Variants in TCERG1L observed in about 807,000 individuals in gnomAD.
TCERG1L encodes the protein transcription elongation regulator 1 like, also known as transcription elongation regulator 1-like protein.
A neutral mutation model predicts 56.3 loss-of-function variants in TCERG1L; 37 were observed. The ratio of observed to expected loss-of-function variants is 0.66; its 90% confidence interval spans 0.51 to 0.87. The LOEUF is 0.87. Among genes scored for constraint, TCERG1L ranks in the 40% least tolerant of loss-of-function variants. TCERG1L has a pLI of 0.00. For synonymous variants in TCERG1L, 324 were observed against 326.3 expected (o/e 0.99, Z 0.08); for missense variants, 799 against 774.2 (o/e 1.03, Z -0.38).
chr10:131,306,786 A>G (rs1323432421), intron 3 of TCERG1L, among the ~76,000 whole-genome samples: 1 of 152,234 alleles, frequency 6.6e-6, no homozygotes, highest in Admixed American at 6.5e-5. Context: ...AATGATGTCC[A>G]TAAGATGGAA....
chr10:131,299,582 C>T (rs943624499), intron 3 of TCERG1L, among the ~76,000 whole-genome samples: 4 of 144,038 alleles, frequency 2.8e-5, no homozygotes, highest in African/African-American at 1.0e-4. Context: ...TTAAGTACAA[C>T]GTTAGCTGTA....
intron 8 of TCERG1L, among the ~76,000 whole-genome samples, chr10:131,119,602 ACT>A (rs1281822689): frequency 1.3e-5 from 2 of 152,206 alleles, no homozygotes; most frequent in African/African-American, 4.8e-5. Context: ...TCAGCACAAT[ACT>A]CTGTGCAGGG....
intron 4 of TCERG1L, among the ~76,000 whole-genome samples, chr10:131,200,902 G>C (rs532308356): frequency 2.0e-5 from 3 of 152,254 alleles, no homozygotes; most frequent in Admixed American, 6.5e-5. Flanking sequence ...CAAAGGGGAT[G>C]GAGGCCCTTA....
At chr10:131,102,096 T>C (rs1390930513) in intron 10 of TCERG1L, among the ~76,000 whole-genome samples, 1 of 152,176 alleles carries the variant, frequency 6.6e-6, no homozygotes, top group Non-Finnish European at 1.5e-5. Context: ...TAGGAAAAAA[T>C]TATATAACAC....
rs892290120 is a variant in TCERG1L, at chr10:131,118,947, T to G, written c.1260-2013A>C. Among the ~76,000 whole-genome samples, 17 of 152,170 alleles carry G rather than the reference T, an allele frequency of 1.1e-4. No individual in the cohort carries two copies. Among genetic ancestry groups the G allele is most frequent in the African/African-American group, 3.4e-4 (14 of 41,444 alleles). ...ACCTGGGAGTGGAGAGCCGGGATGC[T>G]GTGAAATGTCCTGCAATGCACAGGA... On this transcript the variant is annotated intron_variant, in intron 8 of 11. Transcript: ENST00000368642. This position sits in a 1 kb window ranked among gnomAD's most constrained non-coding sequence, Gnocchi z 4.2.
chr10:131,296,234 T>C (rs903966814), intron 3 of TCERG1L, among the ~76,000 whole-genome samples: 10 of 152,230 alleles, frequency 6.6e-5, no homozygotes, highest in African/African-American at 2.4e-4. Flanking sequence ...CTTCAGAATT[T>C]AGTTTTTGGT....
chr10:131,163,263 C>T (rs1845996692), intron 5 of TCERG1L, 53 bp from the exon 6 acceptor site: 2 of 1,353,218 alleles, frequency 1.5e-6, no homozygotes, highest in Non-Finnish European at 2.0e-6. Flanking sequence ...CACTCATCTT[C>T]AATTACAAGC....
chr10:131,141,566 G>A (rs1453643229), intron 7 of TCERG1L, among the ~76,000 whole-genome samples: 1 of 152,006 alleles, frequency 6.6e-6, no homozygotes, highest in Non-Finnish European at 1.5e-5. Context: ...ATAAAGGATT[G>A]GTTCAGAAGA....
intron 4 of TCERG1L, among the ~76,000 whole-genome samples, chr10:131,196,431 C>T (rs10829943): frequency 0.38 from 57,294 of 152,004 alleles, 10,920 homozygotes; most frequent in East Asian, 0.49. Flanking sequence ...CAGGATACCC[C>T]AGGCCAAGGG....
At chr10:131,170,134 G>A (rs1846074126) in intron 4 of TCERG1L, among the ~76,000 whole-genome samples, 1 of 152,126 alleles carries the variant, frequency 6.6e-6, no homozygotes, top group Admixed American at 6.5e-5. Flanking sequence ...CTCTTTCACA[G>A]TCATTGATTT....
Position 131,193,172 on chromosome 10 carries a change from C to T in TCERG1L, c.857-26287G>A, listed in dbSNP as rs542687549. ...TATGTCTCCTTTTGAAAAATATCTA[C>T]GCATGGCATTTACACACTTTTTAAT... On this transcript the variant is annotated intron_variant, in intron 4 of 11. Transcript: ENST00000368642. Among the ~76,000 whole-genome samples the T allele has an allele frequency of 3.2e-4, 49 of 152,224 alleles. No homozygotes were observed. The East Asian group carries it at 7.9e-3, about 25-fold the overall frequency.
chr10:131,269,961 A>C (rs1589767686), intron 3 of TCERG1L, among the ~76,000 whole-genome samples: 1 of 152,228 alleles, frequency 6.6e-6, no homozygotes, highest in East Asian at 1.9e-4. Context: ...GGAGCACGGC[A>C]ACCCCACGTG....
intron 4 of TCERG1L, among the ~76,000 whole-genome samples, chr10:131,194,364 G>A (rs1010932692): frequency 7.2e-5 from 11 of 152,202 alleles, no homozygotes; most frequent in Admixed American, 5.2e-4. Flanking sequence ...AAAGGCACCC[G>A]AATTCCTCTT....
intron 3 of TCERG1L, among the ~76,000 whole-genome samples, chr10:131,282,202 C>G (rs964887983): frequency 6.6e-6 from 1 of 151,584 alleles, no homozygotes; most frequent in Non-Finnish European, 1.5e-5. Flanking sequence ...AGGAATTTAC[C>G]CAAATCTTCA....
At chr10:131,245,420 T>TAA (rs397816461) in intron 4 of TCERG1L, among the ~76,000 whole-genome samples, 24,396 of 151,032 alleles carry the variant, frequency 0.16, 2,593 homozygotes, top group South Asian at 0.42. Flanking sequence ...ATTTTTTTTT[T>TAA]AAAAAAACTG....
At chr10:131,152,411 T>A (rs1845874942) in intron 6 of TCERG1L, among the ~76,000 whole-genome samples, 1 of 152,180 alleles carries the variant, frequency 6.6e-6, no homozygotes, top group Non-Finnish European at 1.5e-5. Context: ...AAGTTCCTCA[T>A]CTCCATCTGA....
chr10:131,247,666 G>A (rs1449413719), intron 4 of TCERG1L, among the ~76,000 whole-genome samples: 1 of 152,126 alleles, frequency 6.6e-6, no homozygotes, highest in Non-Finnish European at 1.5e-5. Context: ...AGAGATTTTA[G>A]AGGAGATGAA....
intron 8 of TCERG1L, among the ~76,000 whole-genome samples, chr10:131,122,806 G>T (rs1845527048): frequency 6.6e-6 from 1 of 152,216 alleles, no homozygotes; most frequent in South Asian, 2.1e-4. Flanking sequence ...GGTGTCTGAG[G>T]TAGGGGTGGC....
At chr10:131,206,695 C>T (rs1845531803) in intron 4 of TCERG1L, among the ~76,000 whole-genome samples, 1 of 152,152 alleles carries the variant, frequency 6.6e-6, no homozygotes, top group Non-Finnish European at 1.5e-5. Context: ...TCCTGGAGCC[C>T]AGAAGTAGCA....
Sources: gnomAD v4.1 joint callset for allele counts (sites outside exome capture counted in the v4.1 genomes callset) on GRCh38, gnomAD v4.1.1 for gene constraint, Gnocchi (gnomAD v3.1) non-coding constraint, MANE v1.5 for transcripts, NCBI Gene and HGNC (gene_info 2026-07-23, HGNC 2026-07-21) for gene names.